SUPT6H: variants seen among roughly 807,000 people sequenced by gnomAD.
SUPT6H encodes the protein transcription elongation factor SPT6.
A neutral mutation model predicts 222.3 loss-of-function variants in SUPT6H; 11 were observed. The observed-to-expected ratio is 0.05, with a 90% CI of 0.03 to 0.08. SUPT6H has a LOEUF of 0.08. SUPT6H is among the 10% of genes least tolerant of loss of function. The pLI, the probability that SUPT6H is intolerant of heterozygous loss-of-function variation, is 1.00. For missense variants in SUPT6H, 1,422 were observed against 2,216.0 expected, an observed-to-expected ratio of 0.64 and a Z score of 7.19; for synonymous variants, 762 against 801.2, an observed-to-expected ratio of 0.95 and a Z score of 0.83.
rs373461421 is a variant in SUPT6H, at chr17:28,689,318, G to T, written c.3135-36G>T. ...TTTGGGTTGTTACTAGAAGCTTATC[G>T]TTCTATATCCTGTTCCTTTTCTGCC... On this transcript the variant is annotated intron_variant, in intron 24 of 36. Transcript: ENST00000314616. 2,045 of 1,606,858 alleles carry T rather than the reference G, an allele frequency of 1.3e-3. 4 individuals carry two copies. Among genetic ancestry groups the T allele is most frequent in the Non-Finnish European group, 1.7e-3 (1,945 of 1,174,466 alleles).
At chr17:28,677,281 G>A (rs2030806210) in intron 7 of SUPT6H, among the ~76,000 whole-genome samples, 1 of 152,054 alleles carries the variant, frequency 6.6e-6, no homozygotes, top group Admixed American at 6.6e-5. Context: ...TACTTGGGAG[G>A]TTGAGGCAGG....
At chr17:28,686,576 C>T in intron 20 of SUPT6H, 78 bp from the exon 21 acceptor site, 1 of 1,545,946 alleles carries the variant, frequency 6.5e-7, no homozygotes. Flanking sequence ...TCCTCCCCTA[C>T]CTCTTCACCC....
intron 2 of SUPT6H, 78 bp from the exon 3 acceptor site, chr17:28,674,205 A>G: frequency 6.4e-7 from 1 of 1,566,998 alleles, no homozygotes; most frequent in East Asian, 2.2e-5. Flanking sequence ...GAGCAAATGG[A>G]TAATCACATT....
chr17:28,699,998 C>T (rs2032068017), intron 33 of SUPT6H, 105 bp downstream of exon 33: 4 of 1,372,188 alleles, frequency 2.9e-6, no homozygotes, highest in East Asian at 2.3e-5. Context: ...TAGGCTGTCA[C>T]TGCAGCTGTC....
chr17:28,678,982 A>T lies in SUPT6H; in HGVS notation c.1349+19A>T, dbSNP rs750690330. ...TGGAGAGGTAAAACATGCGGTGTTTATTCCATTATGGGAAGCCCTCAGACC... is the reference window on the plus strand; with the variant it reads ...TGGAGAGGTAAAACATGCGGTGTTTTTTCCATTATGGGAAGCCCTCAGACC... On this transcript the variant is annotated intron_variant, in intron 11 of 36. Transcript: ENST00000314616. The T allele has an allele frequency of 1.2e-6, 2 of 1,614,038 alleles. No individual in the cohort carries two copies. Among genetic ancestry groups the T allele is most frequent in the Non-Finnish European group, 1.7e-6 (2 of 1,179,944 alleles).
At chr17:28,689,686 CT>C in intron 25 of SUPT6H, 125 bp downstream of exon 25, 1 of 914,054 alleles carries the variant, frequency 1.1e-6, no homozygotes. Context: ...TGATCCTCAT[CT>C]CCCTGCCCTG....
chr17:28,670,652 C>T (rs184763769), intron 1 of SUPT6H, among the ~76,000 whole-genome samples: 162 of 152,208 alleles, frequency 1.1e-3, no homozygotes, highest in African/African-American at 3.8e-3. Flanking sequence ...TTTGGGAGGC[C>T]GAGGCGGGCA....
chr17:28,677,980 C>A, intron 8 of SUPT6H, 96 bp from the exon 9 acceptor site: 2 of 1,405,864 alleles, frequency 1.4e-6, no homozygotes, highest in Non-Finnish European at 9.9e-7. Context: ...TTTTAGATTT[C>A]ATCTAGAAAG....
At position 28,700,529 on chromosome 17, in the gene SUPT6H, G is replaced by A. The variant is rs150011678; in HGVS notation, c.4806+17G>A. The stretch of plus-strand genomic sequence containing the variant: ...GCTTACCACGTATGTGGCTTGGGGA[G>A]GAAGCTCCCTGTGCAGGGTGGGGCC... On this transcript the variant is annotated intron_variant, in intron 35 of 36. Coordinates refer to ENST00000314616, the MANE Select transcript of SUPT6H (RefSeq NM_003170.5). 3.4e-5 allele frequency: 54 copies of A among 1,610,076 alleles called. No homozygotes were observed. The African/African-American group carries it at 6.9e-4, about 21-fold the overall frequency.
chr17:28,688,122 G>A lies in SUPT6H; in HGVS notation c.3038G>A (p.Ser1013Asn). 6.2e-7 allele frequency: 1 copy of A among 1,613,350 alleles called. No individual in the cohort carries two copies. The highest frequency in any genetic ancestry group is 8.5e-7 in the Non-Finnish European group (1 of 1,179,642). Reference sequence around the variant, plus strand: ...AAGCAGAACAACACCCGGCTCGAGAGCCGGACCCAGCTGGTCACCATGTGC... The same window carrying A: ...AAGCAGAACAACACCCGGCTCGAGAACCGGACCCAGCTGGTCACCATGTGC... ...ILKQNNTRLESRTQLVTMCHM... is the reference protein window; with the variant it reads ...ILKQNNTRLENRTQLVTMCHM... The change falls in exon 24 of 37, where the codon AGC becomes AAC. Residue 1013 changes from serine (S) to asparagine (N), a missense_variant. Ser to Asn is a conservative substitution (Grantham distance 46, BLOSUM62 1). Transcript: ENST00000314616. This position sits in a 1 kb window ranked among gnomAD's most constrained non-coding sequence, Gnocchi z 4.3.
In SUPT6H at chr17:28,702,244, G is replaced by A. The variant is rs1192848885; in HGVS notation, c.*619G>A. ...GTGTTTCTATTGAGCTCTTGCCAAA[G>A]CCTCTCTCTCCAACTCTCCAGCTCT... On this transcript the variant is annotated 3_prime_UTR_variant, in exon 37 of 37. Coordinates refer to ENST00000314616, the MANE Select transcript of SUPT6H (RefSeq NM_003170.5). 2.6e-5 allele frequency: 4 copies of A among 153,002 alleles called. No homozygotes were observed. Among genetic ancestry groups the A allele is most frequent in the African/African-American group, 9.7e-5 (4 of 41,444 alleles). The allele number at this position is 153,002 out of a possible 1,614,324, so 9.5% of individuals were successfully genotyped here.
At chr17:28,685,461 TTTATTATTATCATTA>T (rs1314251708) in intron 19 of SUPT6H, among the ~76,000 whole-genome samples, 1 of 135,164 alleles carries the variant, frequency 7.4e-6, no homozygotes, top group African/African-American at 2.6e-5. Context: ...TTTTTTAAAT[TTTATTATTATCATTA>T]TTATTATTAT....
At chr17:28,674,921 G>A (rs534537895) in intron 4 of SUPT6H, 49 bp from the exon 5 acceptor site, 22 of 1,586,060 alleles carry the variant, frequency 1.4e-5, no homozygotes, top group South Asian at 1.2e-4. Context: ...TTTGGTATCC[G>A]TATGCCAGAC....
chr17:28,694,985 C>T (rs1392324914), intron 28 of SUPT6H: 5 of 190,960 alleles, frequency 2.6e-5, no homozygotes, highest in East Asian at 2.8e-4. Context: ...GTCTGGGCGA[C>T]GAGTGAGACT....
intron 9 of SUPT6H, 114 bp downstream of exon 9, chr17:28,678,306 T>G: frequency 1.0e-6 from 1 of 982,618 alleles, no homozygotes; most frequent in South Asian, 1.4e-5. Context: ...TATCCATGAC[T>G]CAACAAGTGT....
At chr17:28,669,391 A>G (rs753045862) in intron 1 of SUPT6H, among the ~76,000 whole-genome samples, 1 of 152,148 alleles carries the variant, frequency 6.6e-6, no homozygotes, top group East Asian at 1.9e-4. Context: ...GAGTTTCACC[A>G]TGTTGGCCAG....
intron 2 of SUPT6H, 151 bp from the exon 3 acceptor site, chr17:28,674,132 G>A (rs184228597): frequency 2.4e-6 from 2 of 840,806 alleles, no homozygotes; most frequent in Admixed American, 2.7e-5. Context: ...TAAGTCAATG[G>A]CTATGTTTTG....
At chr17:28,673,709 A>G (rs2030568469) in intron 2 of SUPT6H, 199 bp downstream of exon 2, 3 of 555,586 alleles carry the variant, frequency 5.4e-6, no homozygotes, top group Non-Finnish European at 3.2e-6. Flanking sequence ...CTAGAAATAT[A>G]AAACAATAAA....
intron 20 of SUPT6H, 69 bp downstream of exon 20, chr17:28,686,484 C>T (rs2031385984): frequency 6.4e-7 from 1 of 1,568,378 alleles, no homozygotes; most frequent in Admixed American, 1.7e-5. Context: ...TTGAGTCTGG[C>T]ATATGCCCAT....
Sources: gnomAD v4.1 joint callset for allele counts (sites outside exome capture counted in the v4.1 genomes callset) on GRCh38, gnomAD v4.1.1 for gene constraint, Gnocchi (gnomAD v3.1) non-coding constraint, MANE v1.5 for transcripts, NCBI Gene and HGNC (gene_info 2026-07-23, HGNC 2026-07-21) for gene names.